The following KIDINS220 variants were observed in gnomAD, a reference collection of about 807,000 sequenced individuals.
KIDINS220 encodes the protein kinase D interacting substrate 220, also known as kinase D-interacting substrate of 220 kDa.
KIDINS220 carries 63 observed loss-of-function variants against 157.6 expected under a neutral mutation model. That is an observed-to-expected ratio of 0.40 (90% confidence interval 0.33 to 0.49). The LOEUF is 0.49. Among genes scored for constraint, KIDINS220 ranks in the 20% least tolerant of loss-of-function variants. The pLI is 0.66. For synonymous variants in KIDINS220, 732 were observed against 783.6 expected (o/e 0.93, Z 1.10); for missense variants, 1,772 against 2,171.2 (o/e 0.82, Z 3.65).
At chr2:8,812,149 C>T (rs1183713247) in intron 6 of KIDINS220, among the ~76,000 whole-genome samples, 1 of 152,136 alleles carries the variant, frequency 6.6e-6, no homozygotes, top group Admixed American at 6.5e-5. Context: ...AAGACAGGGA[C>T]TCTGTTATCC....
At chr2:8,778,257 A>G (rs2148203835) in intron 20 of KIDINS220, among the ~76,000 whole-genome samples, 1 of 152,354 alleles carries the variant, frequency 6.6e-6, no homozygotes, top group East Asian at 1.9e-4. Context: ...GCCAACAGGA[A>G]GACAAAGCCA....
chr2:8,832,696 AT>A (rs952478153), intron 1 of KIDINS220, among the ~76,000 whole-genome samples: 2 of 152,196 alleles, frequency 1.3e-5, no homozygotes, highest in Non-Finnish European at 2.9e-5. Context: ...AGAAAAAAAA[AT>A]GTTTCATCAC....
intron 6 of KIDINS220, among the ~76,000 whole-genome samples, chr2:8,808,034 C>T (rs1327831287): frequency 1.3e-5 from 2 of 151,682 alleles, no homozygotes; most frequent in Admixed American, 6.6e-5. Flanking sequence ...TGATGCAGGA[C>T]GATCACTTAA....
chr2:8,824,435 C>T (rs563645665), intron 2 of KIDINS220, among the ~76,000 whole-genome samples: 7 of 152,178 alleles, frequency 4.6e-5, no homozygotes, highest in Non-Finnish European at 1.0e-4. Context: ...AATCCCAGGA[C>T]TTTGGGAGGT....
At position 8,791,239 on chromosome 2, in the gene KIDINS220, C is replaced by T. The variant is rs1673134696; in HGVS notation, c.1277-15G>A. 6.2e-7 allele frequency: 1 copy of T among 1,603,918 alleles called. No homozygotes were observed. Among genetic ancestry groups the T allele is most frequent in the African/African-American group, 1.3e-5 (1 of 74,548 alleles). On this transcript the variant is annotated splice_polypyrimidine_tract_variant and intron_variant, in intron 12 of 29. Coordinates refer to ENST00000256707, the MANE Select transcript of KIDINS220 (RefSeq NM_020738.4). ...AGACAAGTGTCCTGTAATTAAAACA[C>T]ATCATATCTTACATTAAACAGTGGC...
Position 8,825,172 on chromosome 2 carries a change from G to A in KIDINS220, c.108+1814C>T, listed in dbSNP as rs74994733. ...GAATCACTTGAGGTCAGGAGTTCGA[G>A]ACCAGCCTGACCAACATGGTGAAAC... On this transcript the variant is annotated intron_variant, in intron 2 of 29. Transcript: ENST00000256707. 8.6e-5 allele frequency among the ~76,000 whole-genome samples: 13 copies of A among 151,966 alleles called. No homozygotes were observed. The East Asian group carries it at 2.5e-3, about 29-fold the overall frequency.
chr2:8,757,905 C>T, intron 22 of KIDINS220: 7 of 893,004 alleles, frequency 7.8e-6, no homozygotes, highest in South Asian at 3.0e-5. Flanking sequence ...TCTTGTTGCC[C>T]AGGCTGGAGT....
intron 26 of KIDINS220, among the ~76,000 whole-genome samples, chr2:8,745,526 C>T (rs1465342552): frequency 2.6e-5 from 4 of 152,188 alleles, no homozygotes; most frequent in African/African-American, 4.8e-5. Context: ...TGGCCAGGCA[C>T]GGTGGCTCAC....
chr2:8,741,832 A>G (rs1455704364), intron 26 of KIDINS220, among the ~76,000 whole-genome samples: 1 of 152,232 alleles, frequency 6.6e-6, no homozygotes, highest in African/African-American at 2.4e-5. Flanking sequence ...CTTTAATAAG[A>G]GGCAAAAATG....
At chr2:8,835,334 T>C (rs893074978) in intron 1 of KIDINS220, among the ~76,000 whole-genome samples, 2 of 152,182 alleles carry the variant, frequency 1.3e-5, no homozygotes, top group Non-Finnish European at 2.9e-5. Context: ...AACAGCCATG[T>C]TCTCTAGCAT....
intron 26 of KIDINS220, among the ~76,000 whole-genome samples, chr2:8,742,396 GACTTGTTTTC>G (rs1442387097): frequency 2.0e-5 from 3 of 152,046 alleles, no homozygotes; most frequent in African/African-American, 7.2e-5. Context: ...ATCCCATGGG[GACTTGTTTTC>G]ACTTTTTACT....
intron 12 of KIDINS220, among the ~76,000 whole-genome samples, chr2:8,793,117 C>A (rs1049071760): frequency 2.0e-5 from 3 of 152,052 alleles, no homozygotes; most frequent in African/African-American, 7.2e-5. Context: ...GGAATTTTCA[C>A]TTTCTGCTAT....
At chr2:8,781,599 C>A (rs1193883954) in intron 17 of KIDINS220, among the ~76,000 whole-genome samples, 1 of 151,898 alleles carries the variant, frequency 6.6e-6, no homozygotes, top group East Asian at 1.9e-4. Flanking sequence ...AACTAGAAGT[C>A]AAAAACAGAA....
At chr2:8,821,164 A>G (rs1677894202) in intron 2 of KIDINS220, among the ~76,000 whole-genome samples, 1 of 151,312 alleles carries the variant, frequency 6.6e-6, no homozygotes, top group African/African-American at 2.4e-5. Context: ...ATAAATATAT[A>G]ACATAATATA....
At chr2:8,791,039 T>C in intron 13 of KIDINS220, 21 bp downstream of exon 13, 2 of 1,601,440 alleles carry the variant, frequency 1.2e-6, no homozygotes, top group Non-Finnish European at 1.7e-6. Flanking sequence ...TATACAGACT[T>C]TGTACAAGCA....
chr2:8,757,604 C>T, intron 22 of KIDINS220: 1 of 1,584,538 alleles, frequency 6.3e-7, no homozygotes, highest in Admixed American at 1.7e-5. Context: ...TTGCCATTTT[C>T]AGTCCTTCGA....
intron 22 of KIDINS220, among the ~76,000 whole-genome samples, chr2:8,762,599 C>A (rs1469629360): frequency 6.6e-6 from 1 of 151,968 alleles, no homozygotes; most frequent in Non-Finnish European, 1.5e-5. Flanking sequence ...ATTAGCCGGG[C>A]ATGGTGGTGG....
intron 17 of KIDINS220, among the ~76,000 whole-genome samples, chr2:8,781,329 A>C (rs1671702501): frequency 1.3e-5 from 2 of 151,922 alleles, no homozygotes; most frequent in South Asian, 4.2e-4. Flanking sequence ...TTGAGACCTC[A>C]ATACCATTCT....
At chr2:8,828,262 T>C (rs535272830) in intron 1 of KIDINS220, among the ~76,000 whole-genome samples, 2 of 152,142 alleles carry the variant, frequency 1.3e-5, no homozygotes, top group African/African-American at 4.8e-5. Flanking sequence ...CCACAGGACA[T>C]GCACACGGCT....
Sources: allele counts gnomAD v4.1 joint callset (sites outside exome capture counted in the v4.1 genomes callset), GRCh38; gene constraint gnomAD v4.1.1; transcripts MANE v1.5; gene names NCBI Gene and HGNC (gene_info 2026-07-23, HGNC 2026-07-21).